The following CWC27 variants were observed in gnomAD, a reference collection of about 807,000 sequenced individuals.
The protein encoded by CWC27 is CWC27 spliceosome associated cyclophilin.
In CWC27, 47 loss-of-function variants were observed where a neutral mutation model predicts 63.6. The ratio of observed to expected loss-of-function variants is 0.74; its 90% CI spans 0.58 to 0.94. CWC27 has a LOEUF of 0.94. Ranked by LOEUF, CWC27 falls within the 40% of genes least tolerant of loss-of-function variation. The pLI is 0.00. For synonymous variants in CWC27, 175 were observed against 179.8 expected, an observed-to-expected ratio of 0.97 and a Z score of 0.22; for missense variants, 495 against 554.3, an observed-to-expected ratio of 0.89 and a Z score of 1.07.
intron 10 of CWC27, among the ~76,000 whole-genome samples, chr5:64,818,597 T>A (rs1745109363): frequency 6.6e-6 from 1 of 152,198 alleles, no homozygotes; most frequent in South Asian, 2.1e-4. Context: ...TTATGGGACC[T>A]TGTATTTTAT....
chr5:64,828,909 A>G (rs2112259998), intron 10 of CWC27, among the ~76,000 whole-genome samples: 1 of 152,254 alleles, frequency 6.6e-6, no homozygotes, highest in Non-Finnish European at 1.5e-5. Flanking sequence ...ACATGCAAGC[A>G]AAAGGGCAGG....
intron 11 of CWC27, among the ~76,000 whole-genome samples, chr5:64,904,874 A>G (rs1747593749): frequency 6.6e-6 from 1 of 151,226 alleles, no homozygotes; most frequent in South Asian, 2.1e-4. Context: ...CAACCTCGAG[A>G]TACTAGAACA....
intron 7 of CWC27, among the ~76,000 whole-genome samples, chr5:64,792,313 C>G (rs193299698): frequency 6.6e-6 from 1 of 152,174 alleles, no homozygotes; most frequent in Admixed American, 6.6e-5. Flanking sequence ...TTAATGAATT[C>G]CAGAGGAATT....
At chr5:64,908,627 C>T (rs1219810833) in intron 11 of CWC27, among the ~76,000 whole-genome samples, 3 of 152,224 alleles carry the variant, frequency 2.0e-5, no homozygotes, top group African/African-American at 7.2e-5. Flanking sequence ...GATCCCTTTA[C>T]CACTATGTAA....
intron 10 of CWC27, among the ~76,000 whole-genome samples, chr5:64,843,263 CT>C (rs1745891970): frequency 2.0e-5 from 3 of 152,116 alleles, no homozygotes; most frequent in African/African-American, 7.2e-5. Flanking sequence ...TATTTTGTGA[CT>C]CTGAAAAGCC....
At chr5:64,980,787 T>C (rs1749319704) in intron 13 of CWC27, among the ~76,000 whole-genome samples, 1 of 152,196 alleles carries the variant, frequency 6.6e-6, no homozygotes, top group Non-Finnish European at 1.5e-5. Context: ...CTGATTATTA[T>C]ATAACTAAAA....
At chr5:64,969,255 C>A (rs1749075608) in intron 11 of CWC27, among the ~76,000 whole-genome samples, 1 of 152,176 alleles carries the variant, frequency 6.6e-6, no homozygotes, top group African/African-American at 2.4e-5. Flanking sequence ...ATTCTTACCA[C>A]ACATAAAGGT....
chr5:64,909,490 A>G (rs1747739055), intron 11 of CWC27, among the ~76,000 whole-genome samples: 1 of 152,192 alleles, frequency 6.6e-6, no homozygotes, highest in African/African-American at 2.4e-5. Flanking sequence ...CTGCCTTGCT[A>G]GATTGGGGAA....
intron 13 of CWC27, among the ~76,000 whole-genome samples, chr5:65,004,897 T>TAC (rs1272157840): frequency 1.1e-4 from 7 of 64,320 alleles, no homozygotes; most frequent in African/African-American, 3.2e-4. Context: ...TATATATATA[T>TAC]ATATATATAC....
intron 11 of CWC27, among the ~76,000 whole-genome samples, chr5:64,924,995 T>A (rs1041879338): frequency 6.7e-6 from 1 of 148,406 alleles, no homozygotes; most frequent in African/African-American, 2.6e-5. Flanking sequence ...ACACGAAAAT[T>A]CACAAAATAA....
chr5:64,997,741 G>A (rs945290058), intron 13 of CWC27, among the ~76,000 whole-genome samples: 1 of 151,914 alleles, frequency 6.6e-6, no homozygotes, highest in African/African-American at 2.4e-5. Context: ...AGTAGGGGAG[G>A]GGACACAGAT....
chr5:64,912,623 A>T (rs909156346), intron 11 of CWC27, among the ~76,000 whole-genome samples: 2 of 152,234 alleles, frequency 1.3e-5, no homozygotes, highest in African/African-American at 4.8e-5. Context: ...AATCATATTG[A>T]TAAACTCTTA....
At chr5:65,002,794 C>T (rs142364736) in intron 13 of CWC27, among the ~76,000 whole-genome samples, 20 of 152,096 alleles carry the variant, frequency 1.3e-4, no homozygotes, top group Non-Finnish European at 2.5e-4. Flanking sequence ...TAAATGTCTG[C>T]TGGGTTCATT....
At chr5:64,900,220 T>C (rs1017556133) in intron 11 of CWC27, among the ~76,000 whole-genome samples, 5 of 152,230 alleles carry the variant, frequency 3.3e-5, no homozygotes, top group Admixed American at 6.5e-5. Context: ...TCCATATCCT[T>C]GTTAACACTT....
Position 64,774,792 on chromosome 5 carries a change from G to T in CWC27, c.139+5G>T, listed in dbSNP as rs200858460. 236 of 598,588 alleles carry T rather than the reference G, an allele frequency of 3.9e-4. No homozygotes were observed. The highest frequency in any genetic ancestry group is 6.0e-4 in the Admixed American group (16 of 26,612). The allele number at this position is 598,588 out of a possible 1,614,324, so 37.1% of individuals were successfully genotyped here. A position where few individuals can be genotyped will look rare whatever the true frequency, so the allele number is the denominator to read the frequency against. ...TTATCCAACTTTGTTTGGAAGGTAT[G>T]TTGACTTTTATTCTACTGGAGAAAT... On this transcript the variant is annotated splice_donor_5th_base_variant and intron_variant, in intron 2 of 13. Coordinates refer to ENST00000381070, the MANE Select transcript of CWC27 (RefSeq NM_005869.4).
intron 11 of CWC27, among the ~76,000 whole-genome samples, chr5:64,901,069 C>T (rs181703125): frequency 4.9e-4 from 74 of 152,166 alleles, no homozygotes; most frequent in Non-Finnish European, 8.8e-4. Flanking sequence ...ACAATTCTTC[C>T]AGCGTGACCC....
chr5:64,995,709 T>A (rs1749618630), intron 13 of CWC27, among the ~76,000 whole-genome samples: 1 of 152,238 alleles, frequency 6.6e-6, no homozygotes, highest in Non-Finnish European at 1.5e-5. Flanking sequence ...TCTTTGTCTA[T>A]TCTTGTGCCA....
intron 11 of CWC27, among the ~76,000 whole-genome samples, chr5:64,920,678 T>C (rs1747979844): frequency 6.6e-6 from 1 of 152,234 alleles, no homozygotes; most frequent in Non-Finnish European, 1.5e-5. Flanking sequence ...CTGATCAATC[T>C]GAGAAGGCTG....
At chr5:64,946,584 T>C (rs1172961672) in intron 11 of CWC27, among the ~76,000 whole-genome samples, 1 of 152,104 alleles carries the variant, frequency 6.6e-6, no homozygotes, top group Non-Finnish European at 1.5e-5. Context: ...TAAATGGAAC[T>C]AGAAGATGGA....
Sources: allele counts gnomAD v4.1 joint callset (sites outside exome capture counted in the v4.1 genomes callset), GRCh38; gene constraint gnomAD v4.1.1; transcripts MANE v1.5; gene names NCBI Gene and HGNC (gene_info 2026-07-23, HGNC 2026-07-21).